WDPCP: variants seen among roughly 807,000 people sequenced by gnomAD.
The protein encoded by WDPCP is WD repeat-containing and planar cell polarity effector protein fritz homolog.
WDPCP carries 71 observed loss-of-function variants against 93.1 expected under a neutral mutation model. The ratio of observed to expected loss-of-function variants is 0.76; its 90% CI spans 0.63 to 0.93. The LOEUF (loss-of-function observed/expected upper bound fraction) is 0.93. WDPCP is among the 40% of genes least tolerant of loss of function. WDPCP has a pLI of 0.00. For synonymous variants in WDPCP, 315 were observed against 315.0 expected, an observed-to-expected ratio of 1.00 and a Z score of 0.00; for missense variants, 844 against 887.4, an observed-to-expected ratio of 0.95 and a Z score of 0.62.
intron 14 of WDPCP, among the ~76,000 whole-genome samples, chr2:63,195,853 T>TTCAA (rs1394367648): frequency 2.0e-5 from 3 of 152,200 alleles, no homozygotes; most frequent in African/African-American, 7.2e-5. Flanking sequence ...CATGGAACCA[T>TTCAA]TCAATCAAAA....
At chr2:63,760,993 G>C (rs577317818) in intron 2 of WDPCP, among the ~76,000 whole-genome samples, 10 of 152,166 alleles carry the variant, frequency 6.6e-5, no homozygotes, top group Non-Finnish European at 1.3e-4. Flanking sequence ...CTGCCCACTT[G>C]GCTTGGGGTG....
chr2:63,210,284 A>T (rs1676668134), intron 14 of WDPCP, among the ~76,000 whole-genome samples: 1 of 152,086 alleles, frequency 6.6e-6, no homozygotes. Context: ...TTAACTAGAA[A>T]CCTTTGGAAT....
intron 3 of WDPCP, among the ~76,000 whole-genome samples, chr2:63,638,679 A>G (rs1709948346): frequency 6.6e-6 from 1 of 151,916 alleles, no homozygotes; most frequent in Admixed American, 6.6e-5. Context: ...GTCCTAGCTA[A>G]TCAGGAGGCT....
chr2:63,447,449 T>C (rs1394859743), intron 6 of WDPCP, among the ~76,000 whole-genome samples: 3 of 152,198 alleles, frequency 2.0e-5, no homozygotes, highest in South Asian at 2.1e-4. Context: ...ATATACTTCT[T>C]ATTTTATGGT....
chr2:63,655,217 A>G (rs1251467106), intron 2 of WDPCP, among the ~76,000 whole-genome samples: 6 of 152,144 alleles, frequency 3.9e-5, no homozygotes, highest in African/African-American at 1.4e-4. Flanking sequence ...TGTGACTCAT[A>G]ACTCACATTT....
chr2:63,645,962 C>T (rs1710043213), intron 3 of WDPCP, among the ~76,000 whole-genome samples: 1 of 152,086 alleles, frequency 6.6e-6, no homozygotes, highest in Non-Finnish European at 1.5e-5. Flanking sequence ...TTCAGCCACT[C>T]TATGTCTTTT....
At position 63,404,550 on chromosome 2, in the gene WDPCP, C is replaced by G. The variant is rs771172633; in HGVS notation, c.933G>C (p.Glu311Asp). ...CATAGATGCAGCTGTCAGCCATGGG[C>G]TCTTTGTCTACACTTACGGAGTGCT... ...TVEHSVSVDK[E>D]PMADSCIYEC... Residue 311 changes from glutamate (E) to aspartate (D), a missense_variant, in exon 10 of 18, where the codon GAG becomes GAC. By Grantham distance (45) the Glu-to-Asp change is conservative. Transcript: ENST00000272321. The G allele has an allele frequency of 6.8e-6, 11 of 1,613,456 alleles. No individual in the cohort carries two copies. Among genetic ancestry groups the G allele is most frequent in the Non-Finnish European group, 9.3e-6 (11 of 1,179,714 alleles).
At chr2:63,718,105 T>C (rs185958107) in intron 2 of WDPCP, among the ~76,000 whole-genome samples, 5 of 152,056 alleles carry the variant, frequency 3.3e-5, no homozygotes, top group Admixed American at 3.3e-4. Context: ...GATAAATATA[T>C]GATATGATAT....
chr2:63,151,726 G>T (rs1029980810), intron 17 of WDPCP, among the ~76,000 whole-genome samples: 24 of 152,178 alleles, frequency 1.6e-4, no homozygotes, highest in African/African-American at 5.5e-4. Context: ...TGTCCAGAAA[G>T]AAGTAGATTG....
intron 9 of WDPCP, among the ~76,000 whole-genome samples, chr2:63,426,800 T>G (rs1393752292): frequency 6.6e-6 from 1 of 152,176 alleles, no homozygotes; most frequent in Non-Finnish European, 1.5e-5. Flanking sequence ...TCCAAGTGTT[T>G]ATTGTCTTTA....
chr2:63,811,663 A>G (rs1670864532), intron 2 of WDPCP, among the ~76,000 whole-genome samples: 1 of 147,886 alleles, frequency 6.8e-6, no homozygotes, highest in South Asian at 2.1e-4. Context: ...TTACCTGGGT[A>G]TATTGCTTGA....
chr2:63,190,816 G>A (rs1674985167), intron 14 of WDPCP, among the ~76,000 whole-genome samples: 1 of 152,086 alleles, frequency 6.6e-6, no homozygotes, highest in African/African-American at 2.4e-5. Flanking sequence ...TTTTGGTGGG[G>A]GTGGGGTACA....
At chr2:63,234,811 C>G (rs1414285397) in intron 14 of WDPCP, among the ~76,000 whole-genome samples, 1 of 152,052 alleles carries the variant, frequency 6.6e-6, no homozygotes, top group Non-Finnish European at 1.5e-5. Flanking sequence ...AAGAAATGCC[C>G]TCTTTGGCTC....
intron 14 of WDPCP, among the ~76,000 whole-genome samples, chr2:63,191,884 A>C (rs1675071982): frequency 6.6e-6 from 1 of 152,190 alleles, no homozygotes; most frequent in African/African-American, 2.4e-5. Flanking sequence ...GTTTTATTGG[A>C]GCATAGCCAT....
chr2:63,685,505 G>A (rs1216215592), intron 2 of WDPCP, among the ~76,000 whole-genome samples: 7 of 152,134 alleles, frequency 4.6e-5, no homozygotes, highest in Admixed American at 2.6e-4. Context: ...GTGGCTTCAC[G>A]GCTGAATTCT....
chr2:63,143,735 A>AT (rs1363790174), intron 17 of WDPCP, among the ~76,000 whole-genome samples: 2 of 152,118 alleles, frequency 1.3e-5, no homozygotes, highest in African/African-American at 4.8e-5. Flanking sequence ...TTGGCTGATA[A>AT]TTGTTTTGTT....
At chr2:63,632,730 C>T (rs915736780) in intron 3 of WDPCP, among the ~76,000 whole-genome samples, 3 of 151,740 alleles carry the variant, frequency 2.0e-5, no homozygotes, top group African/African-American at 7.3e-5. Context: ...TATAGGACAC[C>T]AAAAAGCAGC....
intron 17 of WDPCP, among the ~76,000 whole-genome samples, chr2:63,150,628 C>A (rs1342938336): frequency 6.6e-6 from 1 of 152,128 alleles, no homozygotes; most frequent in African/African-American, 2.4e-5. Flanking sequence ...ATAGTAGTAT[C>A]CATCTCATAG....
At chr2:63,516,676 A>T (rs115551128) in intron 1 of WDPCP, among the ~76,000 whole-genome samples, 2,499 of 152,278 alleles carry the variant, frequency 0.016, 87 homozygotes, top group African/African-American at 0.057. Flanking sequence ...GCCAGCATTC[A>T]GATGACTGCC....
Sources: allele counts gnomAD v4.1 joint callset (sites outside exome capture counted in the v4.1 genomes callset), GRCh38; gene constraint gnomAD v4.1.1; transcripts MANE v1.5; gene names NCBI Gene and HGNC (gene_info 2026-07-23, HGNC 2026-07-21).